The following ALDH1A2 variants were observed in gnomAD, a reference collection of about 807,000 sequenced individuals.
The protein encoded by ALDH1A2 is aldehyde dehydrogenase 1 family member A2.
ALDH1A2 carries 27 observed loss-of-function variants against 60.3 expected under a neutral mutation model. That is an observed-to-expected ratio of 0.45 (90% CI 0.33 to 0.62). The LOEUF (loss-of-function observed/expected upper bound fraction) is 0.62, where lower values mean the gene tolerates loss of function less well. Among genes scored for constraint, ALDH1A2 ranks in the 20% least tolerant of loss-of-function variants. The probability of loss-of-function intolerance (pLI) is 0.02; values close to 1 mark genes in which losing one functional copy is unlikely to be tolerated. For missense variants in ALDH1A2, 581 were observed against 643.8 expected (o/e 0.90, Z 1.06); for synonymous variants, 289 against 232.4 (o/e 1.24, Z -2.21).
At chr15:58,042,969 A>AT (rs1896555375) in intron 1 of ALDH1A2, among the ~76,000 whole-genome samples, 1 of 151,940 alleles carries the variant, frequency 6.6e-6, no homozygotes, top group South Asian at 2.1e-4. Context: ...CTGACTGTGC[A>AT]TTAGGGGCTT....
rs551361723 is a variant in ALDH1A2 at position 57,991,909 on chromosome 15, T to C, written c.798+796A>G. ...CATCTGTTACCTGGATCAGAGATAT[T>C]TGAGTAACATTTATAAATCTTCTTA... On this transcript the variant is annotated intron_variant, in intron 7 of 12. Transcript: ENST00000249750. Among the ~76,000 whole-genome samples, 43 of 152,304 alleles carry C rather than the reference T, an allele frequency of 2.8e-4. 2 individuals carry two copies. The South Asian group carries it at 8.5e-3, about 30-fold the overall frequency.
At chr15:58,013,594 A>G (rs1895698595) in intron 3 of ALDH1A2, among the ~76,000 whole-genome samples, 2 of 152,046 alleles carry the variant, frequency 1.3e-5, no homozygotes, top group Non-Finnish European at 2.9e-5. Context: ...TCTACTAAAA[A>G]TACAAAAATT....
intron 5 of ALDH1A2, 83 bp downstream of exon 5, chr15:57,994,995 A>G: frequency 1.5e-6 from 2 of 1,325,144 alleles, no homozygotes; most frequent in African/African-American, 1.4e-5. Context: ...GAAAACACAC[A>G]TCGCTGAGGA....
intron 1 of ALDH1A2, among the ~76,000 whole-genome samples, chr15:58,031,928 A>G (rs1414391682): frequency 2.0e-5 from 3 of 152,188 alleles, no homozygotes; most frequent in Non-Finnish European, 4.4e-5. Context: ...TAGTTCAACC[A>G]TTGTGGAAGT....
chr15:58,014,715 T>C (rs1170486287), intron 1 of ALDH1A2, among the ~76,000 whole-genome samples: 2 of 152,246 alleles, frequency 1.3e-5, no homozygotes, highest in Admixed American at 6.5e-5. Context: ...GAAACTTGAA[T>C]GGTGCTGCAA....
intron 4 of ALDH1A2, among the ~76,000 whole-genome samples, 157 bp downstream of exon 4, chr15:58,010,492 A>C (rs1028694570): frequency 2.6e-5 from 4 of 152,200 alleles, no homozygotes; most frequent in African/African-American, 9.6e-5. Context: ...ATGTTGTCAG[A>C]GTCAGTGACA....
intron 1 of ALDH1A2, among the ~76,000 whole-genome samples, chr15:58,030,329 AAAT>A (rs1487326655): frequency 1.3e-5 from 2 of 152,232 alleles, no homozygotes; most frequent in Non-Finnish European, 2.9e-5. Context: ...GCCTTCAACA[AAAT>A]TCAACAGCTC....
At chr15:57,961,813 C>A (rs907232669) in intron 10 of ALDH1A2, among the ~76,000 whole-genome samples, 199 bp downstream of exon 10, 2 of 152,200 alleles carry the variant, frequency 1.3e-5, no homozygotes, top group African/African-American at 2.4e-5. Context: ...TAGCATGTCA[C>A]CTGGCCTCCA....
intron 1 of ALDH1A2, chr15:58,065,196 G>A (rs565218124): frequency 2.5e-4 from 83 of 331,864 alleles, no homozygotes; most frequent in African/African-American, 1.5e-3. Flanking sequence ...TCCATCTGAG[G>A]ATACTAAGCG....
At chr15:58,010,380 C>T (rs1895591226) in intron 4 of ALDH1A2, among the ~76,000 whole-genome samples, 1 of 152,114 alleles carries the variant, frequency 6.6e-6, no homozygotes, top group Non-Finnish European at 1.5e-5. Flanking sequence ...TAGCACAATG[C>T]TGACCACTTA....
rs181430780 is a variant in ALDH1A2, at chr15:57,962,215, T to C, written c.1087-39A>G. ...GACTTAATGACTCCAAATATAACCT[T>C]CTATGAAAATGGAAATAAGTATGTT... On this transcript the variant is annotated intron_variant, in intron 9 of 12. Coordinates refer to ENST00000249750, the MANE Select transcript of ALDH1A2 (RefSeq NM_003888.4). 693 of 1,605,042 alleles carry C rather than the reference T, an allele frequency of 4.3e-4. 5 individuals carry two copies. In the African/African-American group the frequency reaches 8.6e-3, roughly 20 times the overall value.
chr15:58,033,283 CTGTTA>C (rs1265618760), intron 1 of ALDH1A2, among the ~76,000 whole-genome samples: 6 of 145,086 alleles, frequency 4.1e-5, no homozygotes, highest in Admixed American at 1.4e-4. Context: ...GTTATATATT[CTGTTA>C]TATCAGGACT....
At chr15:57,958,654 GATAA>G (rs1244337996) in intron 12 of ALDH1A2, among the ~76,000 whole-genome samples, 2 of 152,226 alleles carry the variant, frequency 1.3e-5, no homozygotes, top group Non-Finnish European at 2.9e-5. Flanking sequence ...CAGGCCATGA[GATAA>G]ATAATTCTGT....
chr15:57,964,049 C>T lies in ALDH1A2; in HGVS notation c.922G>A (p.Ala308Thr), dbSNP rs761420400. The T allele has an allele frequency of 6.2e-7, 1 of 1,614,116 alleles. No homozygotes were observed. The highest frequency in any genetic ancestry group is 1.1e-5 in the South Asian group (1 of 91,082). ...TGATTGAAGAACACACCCTGGTGGG[C>T]CTGCTCCACAGCATAGTCCACTACA... is the stretch of plus-strand genomic sequence containing the variant. ...DADLDYAVEQ[A>T]HQGVFFNQGQ... is the part of the protein sequence containing the mutation. The change falls in exon 9 of 13, where the codon GCC (alanine) becomes ACC (threonine). Residue 308 changes from alanine to threonine, a missense_variant. By Grantham distance (58) the Ala-to-Thr change is moderately conservative (BLOSUM62 0). Transcript: ENST00000249750.
intron 1 of ALDH1A2, chr15:58,058,119 A>G: frequency 1.3e-6 from 2 of 1,500,448 alleles, no homozygotes; most frequent in Non-Finnish European, 1.8e-6. Context: ...CTAGAGAAAT[A>G]AGACTTTCAG....
chr15:57,990,527 T>C (rs1894857712), intron 7 of ALDH1A2: 1 of 152,218 alleles, frequency 6.6e-6, no homozygotes, highest in Non-Finnish European at 1.5e-5. Flanking sequence ...GGTACTAACA[T>C]GACAAGGTGT....
intron 1 of ALDH1A2, among the ~76,000 whole-genome samples, chr15:58,063,818 T>G (rs909368234): frequency 6.6e-6 from 1 of 152,100 alleles, no homozygotes; most frequent in African/African-American, 2.4e-5. Flanking sequence ...TTGTATTAAG[T>G]GGGAAAGTGG....
chr15:57,982,290 TC>T (rs1370845273), intron 7 of ALDH1A2, among the ~76,000 whole-genome samples: 2 of 152,190 alleles, frequency 1.3e-5, no homozygotes, highest in African/African-American at 4.8e-5. Context: ...TGTGAATGAA[TC>T]CACTCAAGTA....
chr15:57,977,766 T>C (rs1405236880), intron 7 of ALDH1A2, among the ~76,000 whole-genome samples: 2 of 152,170 alleles, frequency 1.3e-5, no homozygotes, highest in Non-Finnish European at 2.9e-5. Flanking sequence ...CAATGGTAGC[T>C]TGATCGGGAT....
Sources: allele counts gnomAD v4.1 joint callset (sites outside exome capture counted in the v4.1 genomes callset), GRCh38; gene constraint gnomAD v4.1.1; transcripts MANE v1.5; gene names NCBI Gene and HGNC (gene_info 2026-07-23, HGNC 2026-07-21).